PYCARD: variants seen among roughly 807,000 people sequenced by gnomAD.
The protein encoded by PYCARD is PYD and CARD domain containing, also known as apoptosis-associated speck-like protein containing a CARD.
A neutral mutation model predicts 10.0 loss-of-function variants in PYCARD; 10 were observed. The observed-to-expected ratio is 1.00, with a 90% confidence interval of 0.62 to 1.69. The LOEUF is 1.69. Among genes scored for constraint, PYCARD ranks in the 40% most tolerant of loss-of-function variants. The pLI, the probability that PYCARD is intolerant of heterozygous loss-of-function variation, is 0.00. For missense variants in PYCARD, 239 were observed against 260.2 expected (o/e 0.92, Z 0.56); for synonymous variants, 121 against 122.3 (o/e 0.99, Z 0.07).
At position 31,202,125 on chromosome 16, in the gene PYCARD, G is replaced by C. The variant is rs752375975; in HGVS notation, c.331+22C>G. 6.2e-7 allele frequency: 1 copy of C among 1,603,462 alleles called. No homozygotes were observed. The highest frequency in any genetic ancestry group is 8.5e-7 in the Non-Finnish European group (1 of 1,177,582). On this transcript the variant is annotated intron_variant, in intron 2 of 2. Transcript: ENST00000247470. The surrounding 1 kb of genome is among the most constrained non-coding windows in gnomAD (Gnocchi z 4.5). Reference sequence around the variant, plus strand: ...GGCTGTGCAGGAGTGCGGTGGGGCCGGGCTGGGTGTGGAGGCCTCACCTGG... The same window carrying C: ...GGCTGTGCAGGAGTGCGGTGGGGCCCGGCTGGGTGTGGAGGCCTCACCTGG...
Position 31,201,710 on chromosome 16 carries a change from T to A in PYCARD, c.463A>T (p.Asn155Tyr). 1 of 1,614,130 alleles carries A rather than the reference T, an allele frequency of 6.2e-7. No individual in the cohort carries two copies. Among genetic ancestry groups the A allele is most frequent in the Non-Finnish European group, 8.5e-7 (1 of 1,180,018 alleles). Residue 155 changes from asparagine to tyrosine, a missense_variant, in exon 3 of 3, where the codon AAC (asparagine) becomes TAC (tyrosine). Coordinates refer to ENST00000247470, the MANE Select transcript of PYCARD (RefSeq NM_013258.5). The part of the protein sequence containing the change: ...QYQAVRAEPT[N>Y]PSKMRKLFSF... ...AAGAGCTTCCGCATCTTGCTTGGGT[T>A]GGTGGGCTCGGCCCGCACTGCCTGG...
Position 31,202,220 on chromosome 16 carries a change from C to G in PYCARD, c.275-17G>C, listed in dbSNP as rs775103149. ...CTCCAGAGCCTGGAAGGATATGGGC[C>G]AAGTGATCCCCTTCCCTTCCCTTCC... On this transcript the variant is annotated splice_polypyrimidine_tract_variant and intron_variant, in intron 1 of 2. Transcript: ENST00000247470. The surrounding 1 kb of genome is among the most constrained non-coding windows in gnomAD (Gnocchi z 4.5). The G allele has an allele frequency of 1.2e-6, 2 of 1,601,406 alleles. No homozygotes were observed. The highest frequency in any genetic ancestry group is 1.3e-5 in the African/African-American group (1 of 74,912).
rs770188038 is a variant in PYCARD at position 31,202,739 on chromosome 16, C to G, written c.-49G>C. ...CCGCCGCTCACCCCGCTGCAGCCGC[C>G]GACCAGGAGGAAGTCGGCTCCGGGG... On this transcript the variant is annotated 5_prime_UTR_variant, in exon 1 of 3. Transcript: ENST00000247470. The surrounding 1 kb of genome is among the most constrained non-coding windows in gnomAD (Gnocchi z 4.5). 1 of 1,512,480 alleles carries G rather than the reference C, an allele frequency of 6.6e-7. No individual in the cohort carries two copies. The highest frequency in any genetic ancestry group is 8.8e-7 in the Non-Finnish European group (1 of 1,135,296). 93.7% of individuals were successfully genotyped at this position (1,512,480 alleles called of 1,614,324 possible). A position where few individuals can be genotyped will look rare whatever the true frequency, so the allele number is the denominator to read the frequency against.
rs779930671 is a variant in PYCARD, at chr16:31,202,565, G to C, written c.126C>G (p.Gly42=). Residue 42 remains glycine, a synonymous_variant, in exon 1 of 3, where the codon GGC becomes GGG. Transcript: ENST00000247470. The surrounding 1 kb of genome is among the most constrained non-coding windows in gnomAD (Gnocchi z 4.5). ...LREGYGRIPR[G]ALLSMDALDL... ...CCAAGGCGTCCATGGACAGCAGCGC[G>C]CCCCGCGGGATGCGCCCGTAGCCCT... is the stretch of plus-strand genomic sequence containing the variant. 6.2e-7 allele frequency: 1 copy of C among 1,612,764 alleles called. No individual in the cohort carries two copies. Among genetic ancestry groups the C allele is most frequent in the Non-Finnish European group, 8.5e-7 (1 of 1,179,754 alleles).
Position 31,202,305 on chromosome 16 carries a change from T to C in PYCARD, c.275-102A>G. 1.9e-6 allele frequency: 3 copies of C among 1,543,164 alleles called. No individual in the cohort carries two copies. The highest frequency in any genetic ancestry group is 2.6e-6 in the Non-Finnish European group (3 of 1,149,306). The stretch of plus-strand genomic sequence containing the variant: ...CAAGCGTGGGGAGCCTCCTTTCCGG[T>C]AGAGCAGCTTTGTTTAGGGGTAGGA... On this transcript the variant is annotated intron_variant, in intron 1 of 2. Coordinates refer to ENST00000247470, the MANE Select transcript of PYCARD (RefSeq NM_013258.5). This position sits in a 1 kb window ranked among gnomAD's most constrained non-coding sequence, Gnocchi z 4.5.
rs776987836 is a variant in PYCARD at position 31,202,640 on chromosome 16, G to C, written c.51C>G (p.Ala17=). The change falls in exon 1 of 3, where the codon GCC becomes GCG. Residue 17 remains alanine, a synonymous_variant. Coordinates refer to ENST00000247470, the MANE Select transcript of PYCARD (RefSeq NM_013258.5). This position sits in a 1 kb window ranked among gnomAD's most constrained non-coding sequence, Gnocchi z 4.5. ...AILDALENLT[A]EELKKFKLKL... The stretch of plus-strand genomic sequence containing the variant: ...TCAGCTTGAACTTCTTGAGCTCCTC[G>C]GCGGTCAGGTTCTCCAGCGCATCCA... 6.2e-7 allele frequency: 1 copy of C among 1,609,656 alleles called. No individual in the cohort carries two copies. The highest frequency in any genetic ancestry group is 8.5e-7 in the Non-Finnish European group (1 of 1,177,774).
rs755370001 is a variant in PYCARD at position 31,202,255 on chromosome 16, G to T, written c.275-52C>A. ...CCTTCCCTTCCCTTCCCGCCGTGGGGCCGGGGTCCCGTTGGTCGGTAGGCC... is the reference window on the plus strand; with the variant it reads ...CCTTCCCTTCCCTTCCCGCCGTGGGTCCGGGGTCCCGTTGGTCGGTAGGCC... On this transcript the variant is annotated intron_variant, in intron 1 of 2. Coordinates refer to ENST00000247470, the MANE Select transcript of PYCARD (RefSeq NM_013258.5). This position sits in a 1 kb window ranked among gnomAD's most constrained non-coding sequence, Gnocchi z 4.5. 2 of 1,589,298 alleles carry T rather than the reference G, an allele frequency of 1.3e-6. No individual in the cohort carries two copies. Among genetic ancestry groups the T allele is most frequent in the South Asian group, 1.1e-5 (1 of 89,228 alleles).
Position 31,202,726 on chromosome 16 carries a change from C to T in PYCARD, c.-36G>A, listed in dbSNP as rs770551063. 2.6e-6 allele frequency: 4 copies of T among 1,517,850 alleles called. No individual in the cohort carries two copies. The highest frequency in any genetic ancestry group is 4.1e-5 in the Admixed American group (2 of 49,170). The allele number at this position is 1,517,850 out of a possible 1,614,324, so 94.0% of individuals were successfully genotyped here. A position where few individuals can be genotyped will look rare whatever the true frequency, so the allele number is the denominator to read the frequency against. ...TCCCCGGCCGCTGCCGCCGCTCACCCCGCTGCAGCCGCCGACCAGGAGGAA... is the reference window on the plus strand; with the variant it reads ...TCCCCGGCCGCTGCCGCCGCTCACCTCGCTGCAGCCGCCGACCAGGAGGAA... On this transcript the variant is annotated 5_prime_UTR_variant, in exon 1 of 3. Transcript: ENST00000247470. This position sits in a 1 kb window ranked among gnomAD's most constrained non-coding sequence, Gnocchi z 4.5.
rs764124222 is a variant in PYCARD, at chr16:31,201,803, C to T, written c.370G>A (p.Ala124Thr). The change falls in exon 3 of 3, where the codon GCG becomes ACG. Residue 124 changes from alanine (A) to threonine (T), a missense_variant. Coordinates refer to ENST00000247470, the MANE Select transcript of PYCARD (RefSeq NM_013258.5). ...FIDQHRAALI[A>T]RVTNVEWLLD... ...AGCCACTCAACGTTTGTGACCCTCGCGATAAGCGCAGCCCGGTGCTGGTCT... is the reference window on the plus strand; with the variant it reads ...AGCCACTCAACGTTTGTGACCCTCGTGATAAGCGCAGCCCGGTGCTGGTCT... 1.2e-6 allele frequency: 2 copies of T among 1,614,076 alleles called. No individual in the cohort carries two copies. Among genetic ancestry groups the T allele is most frequent in the Non-Finnish European group, 1.7e-6 (2 of 1,180,050 alleles).
Position 31,201,762 on chromosome 16 carries a change from G to C in PYCARD, c.411C>G (p.Tyr137Ter), listed in dbSNP as rs779579991. The C allele has an allele frequency of 5.1e-5, 82 of 1,614,096 alleles. No homozygotes were observed. The highest frequency in any genetic ancestry group is 6.7e-5 in the Non-Finnish European group (79 of 1,180,042). The change falls in exon 3 of 3, where the codon TAC (tyrosine) becomes TAG (stop). Residue 137 changes from tyrosine to a stop codon, truncating the protein, a stop_gained. Transcript: ENST00000247470. LOFTEE classifies it low-confidence loss of function (END_TRUNC). ...ACTGCTCATCCGTCAGGACCTTCCC[G>C]TACAGAGCATCCAGCAGCCACTCAA... ...TNVEWLLDAL[Y>*]GKVLTDEQYQ...
rs1567488485 is a variant in PYCARD at position 31,202,623 on chromosome 16, A to C, written c.68T>G (p.Phe23Cys). ...CGGCACCGACAGCAGCTTCAGCTTG[A>C]ACTTCTTGAGCTCCTCGGCGGTCAG... ...ENLTAEELKK[F>C]KLKLLSVPLR... Residue 23 changes from phenylalanine to cysteine, a missense_variant, in exon 1 of 3, where the codon TTC becomes TGC. Coordinates refer to ENST00000247470, the MANE Select transcript of PYCARD (RefSeq NM_013258.5). This position sits in a 1 kb window ranked among gnomAD's most constrained non-coding sequence, Gnocchi z 4.5. 6.2e-7 allele frequency: 1 copy of C among 1,612,420 alleles called. No homozygotes were observed.
At position 31,202,754 on chromosome 16, in the gene PYCARD, C is replaced by T. The variant is rs751576402; in HGVS notation, c.-64G>A. On this transcript the variant is annotated 5_prime_UTR_variant, in exon 1 of 3. Transcript: ENST00000247470. This position sits in a 1 kb window ranked among gnomAD's most constrained non-coding sequence, Gnocchi z 4.5. Reference sequence around the variant, plus strand: ...CTGCAGCCGCCGACCAGGAGGAAGTCGGCTCCGGGGCGGAACCTGGACTCC... The same window carrying T: ...CTGCAGCCGCCGACCAGGAGGAAGTTGGCTCCGGGGCGGAACCTGGACTCC... 6 of 1,503,380 alleles carry T rather than the reference C, an allele frequency of 4.0e-6. No homozygotes were observed. The highest frequency in any genetic ancestry group is 5.3e-6 in the Non-Finnish European group (6 of 1,131,552). The allele number at this position is 1,503,380 out of a possible 1,614,324, so 93.1% of individuals were successfully genotyped here. A position where few individuals can be genotyped will look rare whatever the true frequency, so the allele number is the denominator to read the frequency against.
In PYCARD at chr16:31,202,618, G is replaced by A; in HGVS notation, c.73C>T (p.Leu25=). ...LTAEELKKFK[L]KLLSVPLREG... ...CGCAGCGGCACCGACAGCAGCTTCA[G>A]CTTGAACTTCTTGAGCTCCTCGGCG... The change falls in exon 1 of 3, where the codon CTG becomes TTG. Residue 25 remains leucine (L), a synonymous_variant. Transcript: ENST00000247470. This position sits in a 1 kb window ranked among gnomAD's most constrained non-coding sequence, Gnocchi z 4.5. 6.2e-7 allele frequency: 1 copy of A among 1,612,682 alleles called. No individual in the cohort carries two copies. The highest frequency in any genetic ancestry group is 8.5e-7 in the Non-Finnish European group (1 of 1,179,572).
chr16:31,201,628 C>G lies in PYCARD; in HGVS notation c.545G>C (p.Arg182Thr), dbSNP rs1472258056. 1.2e-6 allele frequency: 2 copies of G among 1,613,996 alleles called. No individual in the cohort carries two copies. The highest frequency in any genetic ancestry group is 1.3e-5 in the African/African-American group (1 of 74,894). ...TCKDLLLQAL[R>T]ESQSYLVEDL... Reference sequence around the variant, plus strand: ...CTCCACCAGGTAGGACTGGGACTCCCTTAGGGCCTGGAGGAGCAAGTCCTT... The same window carrying G: ...CTCCACCAGGTAGGACTGGGACTCCGTTAGGGCCTGGAGGAGCAAGTCCTT... The change falls in exon 3 of 3, where the codon AGG (arginine) becomes ACG (threonine). Residue 182 changes from arginine (R) to threonine (T), a missense_variant. Arg to Thr is a moderately conservative substitution (Grantham distance 71, BLOSUM62 -1). Coordinates refer to ENST00000247470, the MANE Select transcript of PYCARD (RefSeq NM_013258.5).
chr16:31,202,217 G>T lies in PYCARD; in HGVS notation c.275-14C>A, dbSNP rs771896630. ...CGGCTCCAGAGCCTGGAAGGATATG[G>T]GCCAAGTGATCCCCTTCCCTTCCCT... On this transcript the variant is annotated splice_polypyrimidine_tract_variant and intron_variant, in intron 1 of 2. Transcript: ENST00000247470. The surrounding 1 kb of genome is among the most constrained non-coding windows in gnomAD (Gnocchi z 4.5). The T allele has an allele frequency of 6.2e-7, 1 of 1,602,210 alleles. No individual in the cohort carries two copies.
chr16:31,201,597 C>T lies in PYCARD; in HGVS notation c.576G>A (p.Leu192=). 1.2e-6 allele frequency: 2 copies of T among 1,613,290 alleles called. No individual in the cohort carries two copies. Among genetic ancestry groups the T allele is most frequent in the East Asian group, 2.2e-5 (1 of 44,848 alleles). Residue 192 remains leucine, a synonymous_variant, in exon 3 of 3, where the codon CTG becomes CTA. Coordinates refer to ENST00000247470, the MANE Select transcript of PYCARD (RefSeq NM_013258.5). ...RESQSYLVED[L]ERS The stretch of plus-strand genomic sequence containing the variant: ...CTGGGAAGGAGCCTCAGCTCCGCTC[C>T]AGGTCCTCCACCAGGTAGGACTGGG...
rs1323286763 is a variant in PYCARD at position 31,202,740 on chromosome 16, G to A, written c.-50C>T. On this transcript the variant is annotated 5_prime_UTR_variant, in exon 1 of 3. Coordinates refer to ENST00000247470, the MANE Select transcript of PYCARD (RefSeq NM_013258.5). This position sits in a 1 kb window ranked among gnomAD's most constrained non-coding sequence, Gnocchi z 4.5. ...CGCCGCTCACCCCGCTGCAGCCGCCGACCAGGAGGAAGTCGGCTCCGGGGC... is the reference window on the plus strand; with the variant it reads ...CGCCGCTCACCCCGCTGCAGCCGCCAACCAGGAGGAAGTCGGCTCCGGGGC... 1.3e-6 allele frequency: 2 copies of A among 1,511,200 alleles called. No homozygotes were observed. The highest frequency in any genetic ancestry group is 1.3e-5 in the South Asian group (1 of 78,772). The allele number at this position is 1,511,200 out of a possible 1,614,324, so 93.6% of individuals were successfully genotyped here.
rs2079450414 is a variant in PYCARD at position 31,202,406 on chromosome 16, G to A, written c.274+11C>T. The A allele has an allele frequency of 2.0e-6, 3 of 1,529,826 alleles. No homozygotes were observed. The highest frequency in any genetic ancestry group is 1.8e-6 in the Non-Finnish European group (2 of 1,138,614). 94.8% of individuals were successfully genotyped at this position (1,529,826 alleles called of 1,614,324 possible). On this transcript the variant is annotated intron_variant, in intron 1 of 2. Coordinates refer to ENST00000247470, the MANE Select transcript of PYCARD (RefSeq NM_013258.5). This position sits in a 1 kb window ranked among gnomAD's most constrained non-coding sequence, Gnocchi z 4.5. The stretch of plus-strand genomic sequence containing the variant: ...GGAAAGACGGGGTGGAGGGGAACGG[G>A]GGCGGCTCACCCTGGTGCGTGGCCG...
rs1355765754 is a variant in PYCARD at position 31,202,036 on chromosome 16, C to A, written c.331+111G>T. ...AGGGTGTGGGTTGGTGGGTGGGGTG[C>A]GCAGGGTTGCCAAGCCGTGCCTGCC... On this transcript the variant is annotated intron_variant, in intron 2 of 2. Transcript: ENST00000247470. The surrounding 1 kb of genome is among the most constrained non-coding windows in gnomAD (Gnocchi z 4.5). 6.8e-7 allele frequency: 1 copy of A among 1,469,488 alleles called. No individual in the cohort carries two copies. The highest frequency in any genetic ancestry group is 9.1e-7 in the Non-Finnish European group (1 of 1,101,366). 91.0% of individuals were successfully genotyped at this position (1,469,488 alleles called of 1,614,324 possible).
Sources: gnomAD v4.1 joint callset for allele counts on GRCh38, gnomAD v4.1.1 for gene constraint, Gnocchi (gnomAD v3.1) non-coding constraint, MANE v1.5 for transcripts, NCBI Gene and HGNC (gene_info 2026-07-23, HGNC 2026-07-21) for gene names.